Variants in ATP6V1E1 observed in about 807,000 individuals in gnomAD.
The protein encoded by ATP6V1E1 is V-type proton ATPase subunit E 1.
In ATP6V1E1, 21 loss-of-function variants were observed where a neutral mutation model predicts 35.2. The observed-to-expected ratio is 0.60, with a 90% CI of 0.42 to 0.86. ATP6V1E1 has a LOEUF of 0.86. Among genes scored for constraint, ATP6V1E1 ranks in the 40% least tolerant of loss-of-function variants. The pLI is 0.00. For missense variants in ATP6V1E1, 183 were observed against 272.6 expected (o/e 0.67, Z 2.32); for synonymous variants, 83 against 87.8 (o/e 0.95, Z 0.30).
intron 7 of ATP6V1E1, chr22:17,594,858 C>T: frequency 3.3e-6 from 1 of 298,656 alleles, no homozygotes; most frequent in Non-Finnish European, 6.2e-6. Flanking sequence ...ACAACCATCA[C>T]ACATCCTCCC....
At chr22:17,628,248 G>T (rs2057932736) in intron 1 of ATP6V1E1, among the ~76,000 whole-genome samples, 1 of 152,216 alleles carries the variant, frequency 6.6e-6, no homozygotes, top group Non-Finnish European at 1.5e-5. Flanking sequence ...TTACAGGCGT[G>T]AGCCACTGCC....
At chr22:17,611,697 G>GATT (rs1199089551) in intron 4 of ATP6V1E1, among the ~76,000 whole-genome samples, 4 of 152,186 alleles carry the variant, frequency 2.6e-5, no homozygotes, top group African/African-American at 9.7e-5. Flanking sequence ...ATCCACACCT[G>GATT]ATACTCAGAA....
intron 7 of ATP6V1E1, among the ~76,000 whole-genome samples, chr22:17,596,124 T>C (rs1247085539): frequency 6.6e-6 from 1 of 151,424 alleles, no homozygotes; most frequent in Non-Finnish European, 1.5e-5. Context: ...AGTGAGACTC[T>C]GTCTCAAAAA....
At chr22:17,623,456 A>G (rs530247729) in intron 1 of ATP6V1E1, among the ~76,000 whole-genome samples, 1 of 152,108 alleles carries the variant, frequency 6.6e-6, no homozygotes, top group Non-Finnish European at 1.5e-5. Context: ...GTGGATCACG[A>G]GGTCAGGAGT....
chr22:17,616,437 G>C (rs2057845032), intron 2 of ATP6V1E1, among the ~76,000 whole-genome samples: 1 of 152,224 alleles, frequency 6.6e-6, no homozygotes, highest in Non-Finnish European at 1.5e-5. Flanking sequence ...CTAGCACTTT[G>C]GGAGGCCAAG....
intron 4 of ATP6V1E1, among the ~76,000 whole-genome samples, chr22:17,611,051 T>G (rs1237753655): frequency 6.6e-6 from 1 of 151,734 alleles, no homozygotes; most frequent in East Asian, 1.9e-4. Flanking sequence ...TATGGCAGAG[T>G]TGACATTTAA....
chr22:17,598,152 C>T (rs1222652346), intron 7 of ATP6V1E1, 42 bp downstream of exon 7: 1 of 1,513,538 alleles, frequency 6.6e-7, no homozygotes, highest in Admixed American at 1.7e-5. Context: ...GCCACTCTCC[C>T]AGGGAGAGAA....
At chr22:17,598,326 A>G in intron 6 of ATP6V1E1, 38 bp from the exon 7 acceptor site, 1 of 1,502,504 alleles carries the variant, frequency 6.7e-7, no homozygotes. Flanking sequence ...GTCACTAGGA[A>G]CTATGAAGCA....
intron 6 of ATP6V1E1, among the ~76,000 whole-genome samples, chr22:17,599,554 G>A: frequency 7.7e-6 from 1 of 129,126 alleles, no homozygotes; most frequent in Non-Finnish European, 1.6e-5. Flanking sequence ...TCCAGCCTGG[G>A]AAATGAGAGC....
chr22:17,598,703 C>A (rs1314895675), intron 6 of ATP6V1E1, among the ~76,000 whole-genome samples: 1 of 152,072 alleles, frequency 6.6e-6, no homozygotes, highest in Non-Finnish European at 1.5e-5. Flanking sequence ...ACAGCAGGCA[C>A]CAGAAACAGC....
chr22:17,602,433 G>A (rs544301323), intron 4 of ATP6V1E1, among the ~76,000 whole-genome samples: 2 of 151,576 alleles, frequency 1.3e-5, no homozygotes, highest in South Asian at 2.1e-4. Context: ...GGAGTGCAGT[G>A]GCACGATCTC....
intron 2 of ATP6V1E1, among the ~76,000 whole-genome samples, chr22:17,615,474 C>G (rs886988628): frequency 6.6e-6 from 1 of 151,760 alleles, no homozygotes; most frequent in Non-Finnish European, 1.5e-5. Context: ...GGTGAAAGCC[C>G]GTCTCTACTA....
chr22:17,603,561 C>T (rs2057771878), intron 4 of ATP6V1E1, among the ~76,000 whole-genome samples: 1 of 151,886 alleles, frequency 6.6e-6, no homozygotes, highest in Non-Finnish European at 1.5e-5. Flanking sequence ...CACCTCTGAT[C>T]CCAGCACTTT....
chr22:17,620,920 G>A (rs999834744), intron 1 of ATP6V1E1, among the ~76,000 whole-genome samples: 19 of 152,210 alleles, frequency 1.2e-4, no homozygotes, highest in Non-Finnish European at 1.8e-4. Flanking sequence ...AAAATTAGCC[G>A]GCGTGGTGGC....
chr22:17,598,077 T>C, intron 7 of ATP6V1E1, 117 bp downstream of exon 7: 1 of 787,418 alleles, frequency 1.3e-6, no homozygotes, highest in Non-Finnish European at 2.1e-6. Flanking sequence ...ACCACAGCTC[T>C]AGCCTTGTGT....
chr22:17,628,786 G>A (rs1025378850), upstream of ATP6V1E1: 4 of 1,019,742 alleles, frequency 3.9e-6, no homozygotes, highest in African/African-American at 4.9e-5. Flanking sequence ...TGACTGCACA[G>A]TTCATCCTCA....
intron 2 of ATP6V1E1, among the ~76,000 whole-genome samples, 171 bp downstream of exon 2, chr22:17,619,290 C>A (rs1290712369): frequency 6.8e-6 from 1 of 146,734 alleles, no homozygotes; most frequent in Non-Finnish European, 1.5e-5. Flanking sequence ...GAAACTCGGT[C>A]TCCAAAAAAA....
intron 4 of ATP6V1E1, 41 bp from the exon 5 acceptor site, chr22:17,601,222 G>A: frequency 1.3e-6 from 2 of 1,549,352 alleles, no homozygotes; most frequent in Non-Finnish European, 1.8e-6. Flanking sequence ...TACACATCTG[G>A]GCAGTCGGCT....
rs1396896739 is a variant in ATP6V1E1 at position 17,598,186 on chromosome 22, C to T, written c.530+8G>A. 5.0e-6 allele frequency: 8 copies of T among 1,605,010 alleles called. No individual in the cohort carries two copies. The highest frequency in any genetic ancestry group is 1.3e-5 in the African/African-American group (1 of 74,822). ...AAGGTAGCTGTTAGCAGCAGGAATA[C>T]TCCTTACATGTCTTCAGGCAGGTAG... is the stretch of plus-strand genomic sequence containing the variant. On this transcript the variant is annotated splice_region_variant and intron_variant, in intron 7 of 8. Transcript: ENST00000253413.
Sources: gnomAD v4.1 joint callset for allele counts (sites outside exome capture counted in the v4.1 genomes callset) on GRCh38, gnomAD v4.1.1 for gene constraint, MANE v1.5 for transcripts, NCBI Gene and HGNC (gene_info 2026-07-23, HGNC 2026-07-21) for gene names.